Variants in GAS2 observed in about 807,000 individuals in gnomAD.
GAS2 encodes the protein growth arrest specific 2.
In GAS2, 20 loss-of-function variants were observed where a neutral mutation model predicts 37.5. The observed-to-expected ratio is 0.53, with a 90% CI of 0.37 to 0.77. The LOEUF is 0.77. Ranked by LOEUF, GAS2 falls within the 30% of genes least tolerant of loss-of-function variation. The pLI, the probability that GAS2 is intolerant of heterozygous loss-of-function variation, is 0.00. For missense variants in GAS2, 336 were observed against 373.4 expected (o/e 0.90, Z 0.82); for synonymous variants, 144 against 132.2 (o/e 1.09, Z -0.61).
At chr11:22,705,507 T>C (rs1430000570) in intron 3 of GAS2, among the ~76,000 whole-genome samples, 1 of 152,192 alleles carries the variant, frequency 6.6e-6, no homozygotes, top group African/African-American at 2.4e-5. Context: ...GACTAAAGCA[T>C]TATTGGGTCC....
chr11:22,648,928 C>T (rs1848737789), intron 1 of GAS2, among the ~76,000 whole-genome samples: 1 of 151,836 alleles, frequency 6.6e-6, no homozygotes, highest in African/African-American at 2.4e-5. Context: ...TGCCTAATTG[C>T]CCTGGCCAGA....
chr11:22,792,682 T>C (rs1228621397), intron 7 of GAS2, among the ~76,000 whole-genome samples: 1 of 152,220 alleles, frequency 6.6e-6, no homozygotes, highest in Non-Finnish European at 1.5e-5. Flanking sequence ...TCATCCTCCC[T>C]ACGGAGACCT....
At chr11:22,716,581 A>G (rs1851688255) in intron 3 of GAS2, among the ~76,000 whole-genome samples, 2 of 151,794 alleles carry the variant, frequency 1.3e-5, no homozygotes, top group Non-Finnish European at 2.9e-5. Flanking sequence ...AGGAGGTTGC[A>G]GTGAGCCAAG....
intron 2 of GAS2, among the ~76,000 whole-genome samples, chr11:22,680,440 A>G (rs1335035681): frequency 6.6e-6 from 1 of 152,172 alleles, no homozygotes; most frequent in Non-Finnish European, 1.5e-5. Flanking sequence ...TTGTCTCAAA[A>G]TACTGAATAA....
At chr11:22,784,677 A>G (rs537434284) in intron 7 of GAS2, among the ~76,000 whole-genome samples, 1 of 152,310 alleles carries the variant, frequency 6.6e-6, no homozygotes, top group Admixed American at 6.5e-5. Context: ...ATATGCTCCA[A>G]GATGACTATG....
intron 3 of GAS2, among the ~76,000 whole-genome samples, chr11:22,717,274 AG>A (rs1851728083): frequency 6.6e-6 from 1 of 152,230 alleles, no homozygotes; most frequent in African/African-American, 2.4e-5. Context: ...TTACCAAAAC[AG>A]TATGGTATGA....
chr11:22,694,880 G>T lies in GAS2; in HGVS notation c.267+9091G>T, dbSNP rs1850420156. Among the ~76,000 whole-genome samples the T allele has an allele frequency of 3.9e-5, 6 of 152,120 alleles. No individual in the cohort carries two copies. In the South Asian group the frequency reaches 1.2e-3, roughly 32 times the overall value. On this transcript the variant is annotated intron_variant, in intron 3 of 7. Coordinates refer to ENST00000454584, the MANE Select transcript of GAS2 (RefSeq NM_001143830.3). ...AACTTCTGCCATAATATATTTAGTG[G>T]CACTCAACATTTTAAATGTATATTG... is the stretch of plus-strand genomic sequence containing the variant.
intron 1 of GAS2, chr11:22,668,335 G>A (rs1176465146): frequency 1.3e-5 from 2 of 152,456 alleles, no homozygotes; most frequent in Non-Finnish European, 2.9e-5. Context: ...CCTAAGAGAA[G>A]GTAAGGGACA....
intron 4 of GAS2, among the ~76,000 whole-genome samples, chr11:22,729,201 G>A (rs929502892): frequency 3.3e-5 from 5 of 151,812 alleles, no homozygotes; most frequent in Non-Finnish European, 7.4e-5. Flanking sequence ...GTATGAAGAG[G>A]CTTCTGTGTT....
chr11:22,811,763 C>T (rs374050235), intron 7 of GAS2, 35 bp from the exon 8 acceptor site: 75 of 1,589,856 alleles, frequency 4.7e-5, no homozygotes, highest in Non-Finnish European at 5.6e-5. Flanking sequence ...TAAGAATTCT[C>T]GGAATTTAAC....
chr11:22,691,196 A>G (rs191786034), intron 3 of GAS2, among the ~76,000 whole-genome samples: 1 of 152,186 alleles, frequency 6.6e-6, no homozygotes, highest in East Asian at 1.9e-4. Context: ...TTAACCGTCT[A>G]AATGTAGAAT....
intron 2 of GAS2, among the ~76,000 whole-genome samples, chr11:22,675,704 C>T (rs1239149122): frequency 6.6e-6 from 1 of 151,952 alleles, no homozygotes; most frequent in Non-Finnish European, 1.5e-5. Flanking sequence ...ACTATTTCCA[C>T]TAAGTTTTTT....
intron 7 of GAS2, among the ~76,000 whole-genome samples, chr11:22,784,225 G>A (rs1855717115): frequency 6.6e-6 from 1 of 152,166 alleles, no homozygotes; most frequent in Admixed American, 6.6e-5. Context: ...ATGGGAAGCA[G>A]TGCTGAATGA....
upstream of GAS2, among the ~76,000 whole-genome samples, chr11:22,661,688 GGT>G (rs934202822): frequency 6.6e-6 from 1 of 152,146 alleles, no homozygotes; most frequent in African/African-American, 2.4e-5. Context: ...AAGGCATGGA[GGT>G]GTAACGGTAT....
rs758664590 is a variant in GAS2 at position 22,812,044 on chromosome 11, T to A, written c.*28T>A. On this transcript the variant is annotated 3_prime_UTR_variant, in exon 8 of 8. Transcript: ENST00000454584. ...CAAATTGGTCATGACAAGGGGACCC[T>A]CATAATGGCCTGTATCCACTTCTCC... is the stretch of plus-strand genomic sequence containing the variant. 13 of 1,521,360 alleles carry A rather than the reference T, an allele frequency of 8.5e-6. No homozygotes were observed. In the East Asian group the frequency reaches 2.9e-4, roughly 34 times the overall value. 94.2% of individuals were successfully genotyped at this position (1,521,360 alleles called of 1,614,324 possible).
chr11:22,668,141 T>C (rs1458470008), intron 1 of GAS2: 2 of 152,310 alleles, frequency 1.3e-5, no homozygotes, highest in African/African-American at 4.8e-5. Context: ...GAACAAGACC[T>C]GTGCTTCTTT....
chr11:22,635,580 C>A (rs1042351269), intron 1 of GAS2, among the ~76,000 whole-genome samples: 1 of 152,216 alleles, frequency 6.6e-6, no homozygotes, highest in South Asian at 2.1e-4. Context: ...CCCTCCCTGT[C>A]GGCCTGCAGA....
At chr11:22,728,691 C>G (rs979308172) in intron 4 of GAS2, among the ~76,000 whole-genome samples, 1 of 151,644 alleles carries the variant, frequency 6.6e-6, no homozygotes, top group Non-Finnish European at 1.5e-5. Flanking sequence ...TTCTCCTGCT[C>G]AGAATAGAAC....
rs552780946 is a variant in GAS2 at position 22,785,731 on chromosome 11, G to A, written c.724-26067G>A. The stretch of plus-strand genomic sequence containing the variant: ...AAAGTCCTAGATATATGCTACTTTC[G>A]TTGAAAAGATTGTTTTCTAGTGTCC... On this transcript the variant is annotated intron_variant, in intron 7 of 7. Transcript: ENST00000454584. Among the ~76,000 whole-genome samples the A allele has an allele frequency of 7.9e-5, 12 of 151,970 alleles. No individual in the cohort carries two copies. The South Asian group carries it at 8.3e-4, about 11-fold the overall frequency.
Sources: gnomAD v4.1 joint callset for allele counts (sites outside exome capture counted in the v4.1 genomes callset) on GRCh38, gnomAD v4.1.1 for gene constraint, MANE v1.5 for transcripts, NCBI Gene and HGNC (gene_info 2026-07-23, HGNC 2026-07-21) for gene names.